Variants in CDH4 observed in about 807,000 individuals in gnomAD.
The protein encoded by CDH4 is cadherin 4.
In CDH4, 33 loss-of-function variants were observed where a neutral mutation model predicts 86.0. The observed-to-expected ratio is 0.38, with a 90% CI of 0.29 to 0.51. CDH4 has a LOEUF of 0.51. Among genes scored for constraint, CDH4 ranks in the 20% least tolerant of loss-of-function variants. The probability of loss-of-function intolerance (pLI) is 0.86; values close to 1 mark genes in which losing one functional copy is unlikely to be tolerated. For synonymous variants in CDH4, 555 were observed against 549.4 expected (o/e 1.01, Z -0.14); for missense variants, 1,114 against 1,307.4 (o/e 0.85, Z 2.28).
intron 2 of CDH4, among the ~76,000 whole-genome samples, chr20:61,549,049 A>T (rs1212314021): frequency 6.6e-6 from 1 of 152,068 alleles, no homozygotes; most frequent in East Asian, 1.9e-4. Context: ...GGGCAGGCAG[A>T]TGTTATCTAA....
chr20:61,487,800 C>T (rs1044341238), intron 2 of CDH4, among the ~76,000 whole-genome samples: 11 of 152,214 alleles, frequency 7.2e-5, no homozygotes, highest in African/African-American at 1.2e-4. Flanking sequence ...CTTGTCAACA[C>T]GCCAGTCTGC....
intron 8 of CDH4, among the ~76,000 whole-genome samples, chr20:61,900,240 C>G (rs1482612542): frequency 6.6e-6 from 1 of 152,048 alleles, no homozygotes; most frequent in Non-Finnish European, 1.5e-5. Flanking sequence ...GGAGAAATTA[C>G]GATTCAGCGT....
chr20:61,481,242 G>A (rs2085566551), intron 2 of CDH4, among the ~76,000 whole-genome samples: 1 of 152,196 alleles, frequency 6.6e-6, no homozygotes, highest in Admixed American at 6.5e-5. Flanking sequence ...AGATGCTTTT[G>A]GAATTGAGGG....
chr20:61,454,119 G>A (rs2085394636), intron 2 of CDH4, among the ~76,000 whole-genome samples: 1 of 152,170 alleles, frequency 6.6e-6, no homozygotes. Context: ...TGGCCATCCT[G>A]GTGACCTGTG....
In CDH4 at chr20:61,254,897, A is replaced by C. The variant is rs1314702892; in HGVS notation, c.129A>C (p.Leu43Phe). 1 of 1,612,990 alleles carries C rather than the reference A, an allele frequency of 6.2e-7. No homozygotes were observed. Among genetic ancestry groups the C allele is most frequent in the Non-Finnish European group, 8.5e-7 (1 of 1,179,042 alleles). The change falls in exon 2 of 16, where the codon TTA becomes TTC. Residue 43 changes from leucine to phenylalanine, a missense_variant. Coordinates refer to ENST00000614565, the MANE Select transcript of CDH4 (RefSeq NM_001794.5). ...AGFSEDDYTA[L>F]ISQNILEGEK... The stretch of plus-strand genomic sequence containing the variant: ...TCTCTGAAGATGATTACACGGCATT[A>C]ATCTCCCAAAATATTCTAGAAGGGG...
chr20:61,405,756 C>T (rs995601208), intron 2 of CDH4, among the ~76,000 whole-genome samples: 4 of 151,536 alleles, frequency 2.6e-5, no homozygotes, highest in African/African-American at 9.7e-5. Flanking sequence ...TGCAGTGGCG[C>T]AATTTCAGCT....
At chr20:61,286,726 C>T (rs978859977) in intron 2 of CDH4, among the ~76,000 whole-genome samples, 9 of 152,202 alleles carry the variant, frequency 5.9e-5, no homozygotes, top group Non-Finnish European at 8.8e-5. Context: ...AGGGAAGAAT[C>T]CCGAATAGCT....
At chr20:61,648,957 GC>G (rs1308131427) in intron 2 of CDH4, among the ~76,000 whole-genome samples, 1 of 152,190 alleles carries the variant, frequency 6.6e-6, no homozygotes, top group Non-Finnish European at 1.5e-5. Flanking sequence ...GCCATCGGGG[GC>G]CATCTGGTCA....
At chr20:61,698,350 G>C (rs1215918159) in intron 2 of CDH4, among the ~76,000 whole-genome samples, 1 of 152,254 alleles carries the variant, frequency 6.6e-6, no homozygotes, top group African/African-American at 2.4e-5. Flanking sequence ...CTTCTAATAT[G>C]GCTCCATTCA....
At chr20:61,578,115 T>A (rs1207536019) in intron 2 of CDH4, among the ~76,000 whole-genome samples, 1 of 152,166 alleles carries the variant, frequency 6.6e-6, no homozygotes, top group Non-Finnish European at 1.5e-5. Context: ...TCATTCCCCA[T>A]ATGTCCTCTC....
In CDH4 at chr20:61,881,187, G is replaced by A. The variant is rs1014162638; in HGVS notation, c.1050+7287G>A. On this transcript the variant is annotated intron_variant, in intron 7 of 15. Coordinates refer to ENST00000614565, the MANE Select transcript of CDH4 (RefSeq NM_001794.5). Reference sequence around the variant, plus strand: ...CAGGACAGCTCCTCCATCCACGGACGCCACTGGAGGATGAGCCTGCAGCCC... The same window carrying A: ...CAGGACAGCTCCTCCATCCACGGACACCACTGGAGGATGAGCCTGCAGCCC... Among the ~76,000 whole-genome samples the A allele has an allele frequency of 2.0e-5, 3 of 152,210 alleles. 1 individual carries two copies. The South Asian group carries it at 6.2e-4, about 32-fold the overall frequency.
intron 2 of CDH4, among the ~76,000 whole-genome samples, chr20:61,599,483 C>T (rs1442473344): frequency 1.1e-4 from 17 of 152,194 alleles, no homozygotes; most frequent in Admixed American, 1.1e-3. Flanking sequence ...GGCCGACCCT[C>T]CTGACCCCCC....
At chr20:61,903,758 G>A (rs569376137) in intron 8 of CDH4, among the ~76,000 whole-genome samples, 5 of 152,200 alleles carry the variant, frequency 3.3e-5, no homozygotes, top group South Asian at 2.1e-4. Context: ...CTTCCCCACC[G>A]CTGGTGACCT....
At chr20:61,672,623 A>G (rs2087402964) in intron 2 of CDH4, among the ~76,000 whole-genome samples, 1 of 152,174 alleles carries the variant, frequency 6.6e-6, no homozygotes, top group Non-Finnish European at 1.5e-5. Flanking sequence ...ACCTGAGACC[A>G]CGGGAGGGGC....
chr20:61,468,727 A>G (rs1472430034), intron 2 of CDH4, among the ~76,000 whole-genome samples: 2 of 152,060 alleles, frequency 1.3e-5, no homozygotes, highest in African/African-American at 2.4e-5. Flanking sequence ...TCCTTCTACT[A>G]GTAACCATTC....
At chr20:61,488,019 C>A (rs1270258344) in intron 2 of CDH4, among the ~76,000 whole-genome samples, 3 of 152,168 alleles carry the variant, frequency 2.0e-5, no homozygotes, top group Non-Finnish European at 4.4e-5. Context: ...GCAGTTCAAT[C>A]GATGATTCTG....
At chr20:61,460,610 G>C (rs2085436724) in intron 2 of CDH4, among the ~76,000 whole-genome samples, 1 of 152,194 alleles carries the variant, frequency 6.6e-6, no homozygotes, top group Non-Finnish European at 1.5e-5. Context: ...CCCTGTCCAG[G>C]TATGCACGGA....
At chr20:61,805,185 G>A (rs1980059423) in intron 4 of CDH4, among the ~76,000 whole-genome samples, 1 of 152,206 alleles carries the variant, frequency 6.6e-6, no homozygotes, top group African/African-American at 2.4e-5. Context: ...TCTAGGCTCT[G>A]CTTGGCCAGT....
intron 2 of CDH4, among the ~76,000 whole-genome samples, chr20:61,421,846 T>G (rs1200380430): frequency 6.6e-6 from 1 of 152,162 alleles, no homozygotes; most frequent in African/African-American, 2.4e-5. Flanking sequence ...TTATGAATAG[T>G]ATCGAGTTCT....
Sources: allele counts gnomAD v4.1 joint callset (sites outside exome capture counted in the v4.1 genomes callset), GRCh38; gene constraint gnomAD v4.1.1; transcripts MANE v1.5; gene names NCBI Gene and HGNC (gene_info 2026-07-23, HGNC 2026-07-21).